The following CRHR2 variants were observed in gnomAD, a reference collection of about 807,000 sequenced individuals.
CRHR2 encodes the protein corticotropin releasing hormone receptor 2.
A neutral mutation model predicts 57.9 loss-of-function variants in CRHR2; 53 were observed. That is an observed-to-expected ratio of 0.92 (90% CI 0.73 to 1.15). The LOEUF (loss-of-function observed/expected upper bound fraction) is 1.15. Ranked by LOEUF, CRHR2 falls within the 50% of genes most tolerant of loss-of-function variation. CRHR2 has a pLI of 0.00. For missense variants in CRHR2, 532 were observed against 542.6 expected (o/e 0.98, Z 0.19); for synonymous variants, 213 against 220.9 (o/e 0.96, Z 0.32).
At position 30,655,697 on chromosome 7, in the gene CRHR2, G is replaced by A. The variant is rs1201796863; in HGVS notation, c.936C>T (p.Thr312=). The A allele has an allele frequency of 6.2e-7, 1 of 1,613,942 alleles. No homozygotes were observed. Among genetic ancestry groups the A allele is most frequent in the South Asian group, 1.1e-5 (1 of 91,046 alleles). The change falls in exon 10 of 12, where the codon ACC becomes ACT. Residue 312 remains threonine, a synonymous_variant. Coordinates refer to ENST00000471646, the MANE Select transcript of CRHR2 (RefSeq NM_001883.5). ...TIQYRKAVKA[T]LVLLPLLGIT... ...TGCCCAGGAGGGGCAGGAGCACCAG[G>A]GTGGCCTTCACTGCCTTCCTGGGGG...
At chr7:30,699,999 T>C (rs376512032) in exon 1 of CRHR2, 13 of 1,456,102 alleles carry the variant, frequency 8.9e-6, no homozygotes, top group Non-Finnish European at 1.2e-5. Flanking sequence ...GTGTGGGACG[T>C]AGAGGAGGCC....
At chr7:30,662,102 C>T (rs2128141649) in intron 7 of CRHR2, 54 bp downstream of exon 7, 2 of 1,596,874 alleles carry the variant, frequency 1.3e-6, no homozygotes, top group South Asian at 1.1e-5. Context: ...CTGACCTGTC[C>T]TAACACCCCC....
chr7:30,657,793 C>A (rs1783844199), intron 8 of CRHR2, among the ~76,000 whole-genome samples: 2 of 152,090 alleles, frequency 1.3e-5, no homozygotes, highest in Admixed American at 6.5e-5. Context: ...TCCAGCCATT[C>A]ATCCATTCAT....
At chr7:30,688,474 G>A (rs1784896737) in intron 2 of CRHR2, among the ~76,000 whole-genome samples, 1 of 152,254 alleles carries the variant, frequency 6.6e-6, no homozygotes, top group South Asian at 2.1e-4. Flanking sequence ...GCTATTGACT[G>A]CCCCAGTGGA....
At chr7:30,677,949 A>G (rs1210019757) in intron 2 of CRHR2, among the ~76,000 whole-genome samples, 1 of 152,258 alleles carries the variant, frequency 6.6e-6, no homozygotes, top group African/African-American at 2.4e-5. Flanking sequence ...ATGTGCCTGC[A>G]GTCTCAGCTA....
chr7:30,683,821 C>T (rs908647616), upstream of CRHR2, among the ~76,000 whole-genome samples: 27 of 152,198 alleles, frequency 1.8e-4, no homozygotes, highest in Non-Finnish European at 2.9e-5. Flanking sequence ...CAGTCCTGTT[C>T]CCCTGCCATC....
In CRHR2 at chr7:30,660,494, T is replaced by C. The variant is rs1388223395; in HGVS notation, c.831+79A>G. The C allele has an allele frequency of 2.8e-6, 4 of 1,434,722 alleles. No homozygotes were observed. In the African/African-American group the frequency reaches 5.7e-5, roughly 20 times the overall value. The allele number at this position is 1,434,722 out of a possible 1,614,324, so 88.9% of individuals were successfully genotyped here. Reference sequence around the variant, plus strand: ...CGCAGGGCTGCCCATGCCACATCTTTCCCAGCGTCTCTGCCTGGGTGGGCC... The same window carrying C: ...CGCAGGGCTGCCCATGCCACATCTTCCCCAGCGTCTCTGCCTGGGTGGGCC... On this transcript the variant is annotated intron_variant, in intron 8 of 11. Coordinates refer to ENST00000471646, the MANE Select transcript of CRHR2 (RefSeq NM_001883.5).
At chr7:30,674,760 C>T (rs985049135) in intron 2 of CRHR2, among the ~76,000 whole-genome samples, 1 of 152,070 alleles carries the variant, frequency 6.6e-6, no homozygotes, top group Non-Finnish European at 1.5e-5. Flanking sequence ...GTTCTGGGGG[C>T]TCTCAGAGAT....
intron 8 of CRHR2, among the ~76,000 whole-genome samples, chr7:30,657,893 C>T (rs1783848580): frequency 6.6e-6 from 1 of 152,174 alleles, no homozygotes; most frequent in African/African-American, 2.4e-5. Flanking sequence ...TCCACGTACC[C>T]ATCCATCTAC....
At position 30,667,279 on chromosome 7, in the gene CRHR2, C is replaced by T. The variant is rs755449685; in HGVS notation, c.264G>A (p.Thr88=). ...NAYRECLENG[T]WASKINYSQC... Reference sequence around the variant, plus strand: ...GTGAGTAGTTGATCTTTGAGGCCCACGTCCCATTCTCCAAGCATTCTCGAT... The same window carrying T: ...GTGAGTAGTTGATCTTTGAGGCCCATGTCCCATTCTCCAAGCATTCTCGAT... The change falls in exon 3 of 12, where the codon ACG becomes ACA. Residue 88 remains threonine, a synonymous_variant. Coordinates refer to ENST00000471646, the MANE Select transcript of CRHR2 (RefSeq NM_001883.5). The T allele has an allele frequency of 1.9e-5, 30 of 1,614,054 alleles. No individual in the cohort carries two copies. Among genetic ancestry groups the T allele is most frequent in the Admixed American group, 1.5e-4 (9 of 59,998 alleles).
intron 3 of CRHR2, among the ~76,000 whole-genome samples, chr7:30,666,162 AT>A (rs1319188438): frequency 6.6e-6 from 1 of 151,936 alleles, no homozygotes; most frequent in East Asian, 1.9e-4. Context: ...GGGTGAGTCG[AT>A]TTTTATTTCT....
chr7:30,668,926 T>TA (rs1163268126), intron 2 of CRHR2, among the ~76,000 whole-genome samples: 2 of 152,234 alleles, frequency 1.3e-5, no homozygotes, highest in Admixed American at 1.3e-4. Context: ...AGGTGGGATC[T>TA]AATTTGATAC....
intron 11 of CRHR2, among the ~76,000 whole-genome samples, chr7:30,654,093 A>G (rs1015224675): frequency 6.6e-6 from 1 of 152,040 alleles, no homozygotes; most frequent in Non-Finnish European, 1.5e-5. Context: ...TGCCTGACTA[A>G]CCATGGCATT....
upstream of CRHR2, chr7:30,686,323 C>A: frequency 7.0e-7 from 1 of 1,436,890 alleles, no homozygotes; most frequent in South Asian, 1.5e-5. Flanking sequence ...TTCACTAACC[C>A]ATCCCCAGCA....
chr7:30,656,115 TC>T lies in CRHR2; in HGVS notation c.832-104del. The T allele has an allele frequency of 9.7e-7, 1 of 1,027,872 alleles. No individual in the cohort carries two copies. The highest frequency in any genetic ancestry group is 1.5e-6 in the Non-Finnish European group (1 of 667,564). 63.7% of individuals were successfully genotyped at this position (1,027,872 alleles called of 1,614,324 possible). A position where few individuals can be genotyped will look rare whatever the true frequency, so the allele number is the denominator to read the frequency against. On this transcript the variant is annotated intron_variant, in intron 8 of 11. Transcript: ENST00000471646. The surrounding 1 kb of genome is among the most constrained non-coding windows in gnomAD (Gnocchi z 4.4). ...CCCCGCAGACCCCTGGAAACCGATG[TC>T]CCACGCACACACCTATCCTACCTGT...
chr7:30,691,601 G>A (rs1166988448), intron 1 of CRHR2, among the ~76,000 whole-genome samples: 1 of 152,212 alleles, frequency 6.6e-6, no homozygotes, highest in Non-Finnish European at 1.5e-5. Context: ...TGGGCACAGG[G>A]TTACCATACT....
intron 2 of CRHR2, among the ~76,000 whole-genome samples, chr7:30,688,047 C>T (rs937688911): frequency 6.6e-6 from 1 of 152,206 alleles, no homozygotes; most frequent in Non-Finnish European, 1.5e-5. Context: ...TCCTAACTCC[C>T]AGTACCTCAG....
intron 2 of CRHR2, among the ~76,000 whole-genome samples, chr7:30,674,397 G>A (rs1784452708): frequency 6.6e-6 from 1 of 152,198 alleles, no homozygotes; most frequent in Admixed American, 6.5e-5. Flanking sequence ...AGGAAAGTGG[G>A]GAGGGGACCA....
intron 2 of CRHR2, among the ~76,000 whole-genome samples, chr7:30,670,254 T>A (rs1398040695): frequency 6.6e-6 from 1 of 152,220 alleles, no homozygotes; most frequent in African/African-American, 2.4e-5. Flanking sequence ...TCCACTCTTG[T>A]GTCACAATCC....
Sources: gnomAD v4.1 joint callset for allele counts (sites outside exome capture counted in the v4.1 genomes callset) on GRCh38, gnomAD v4.1.1 for gene constraint, Gnocchi (gnomAD v3.1) non-coding constraint, MANE v1.5 for transcripts, NCBI Gene and HGNC (gene_info 2026-07-23, HGNC 2026-07-21) for gene names.